Variants in PDE8A observed in about 807,000 individuals in gnomAD.
The protein encoded by PDE8A is high affinity cAMP-specific and IBMX-insensitive 3',5'-cyclic phosphodiesterase 8A.
In PDE8A, 59 loss-of-function variants were observed where a neutral mutation model predicts 105.0. The ratio of observed to expected loss-of-function variants is 0.56; its 90% CI spans 0.46 to 0.70. The LOEUF is 0.70. PDE8A is among the 30% of genes least tolerant of loss of function. The probability of loss-of-function intolerance (pLI) is 0.00; values close to 1 mark genes in which losing one functional copy is unlikely to be tolerated. For missense variants in PDE8A, 1,014 were observed against 1,045.9 expected, an observed-to-expected ratio of 0.97 and a Z score of 0.42; for synonymous variants, 355 against 371.9, an observed-to-expected ratio of 0.95 and a Z score of 0.52.
At chr15:85,067,701 A>G (rs1239295716) in intron 3 of PDE8A, among the ~76,000 whole-genome samples, 1 of 152,214 alleles carries the variant, frequency 6.6e-6, no homozygotes, top group Non-Finnish European at 1.5e-5. Context: ...ATTTTATGAC[A>G]TATTAATTTT....
In PDE8A at chr15:84,982,131, CCCGCCAGCGTGTCCGCGGCGCCG is replaced by C. The variant is rs781185196; in HGVS notation, c.-23_-1del. On this transcript the variant is annotated 5_prime_UTR_variant, in exon 1 of 22. Transcript: ENST00000394553. ...CCGTTTGCTGACCGGATCGCGGCTA[CCCGCCAGCGTGTCCGCGGCGCCG>C]CCGCCAGCATGGGCTGTGCCCCGAG... 1,202 of 1,280,456 alleles carry C rather than the reference CCCGCCAGCGTGTCCGCGGCGCCG, an allele frequency of 9.4e-4. 2 individuals are homozygous for C. Among genetic ancestry groups the C allele is most frequent in the East Asian group, 5.2e-3 (162 of 30,994 alleles). The allele number at this position is 1,280,456 out of a possible 1,614,324, so 79.3% of individuals were successfully genotyped here.
chr15:85,087,590 T>A (rs2081575406), intron 6 of PDE8A, among the ~76,000 whole-genome samples: 1 of 152,176 alleles, frequency 6.6e-6, no homozygotes, highest in African/African-American at 2.4e-5. Flanking sequence ...GGCCAGAGAA[T>A]CTTAAAATCA....
intron 1 of PDE8A, among the ~76,000 whole-genome samples, chr15:84,983,598 T>G (rs1272632019): frequency 6.6e-6 from 1 of 152,228 alleles, no homozygotes; most frequent in Non-Finnish European, 1.5e-5. Context: ...TATAGATTCT[T>G]TAAAGAAACC....
chr15:85,076,804 TTG>T lies in PDE8A; in HGVS notation c.546+19_546+20del, dbSNP rs2081386802. The T allele has an allele frequency of 7.0e-7, 1 of 1,420,618 alleles. No individual in the cohort carries two copies. The highest frequency in any genetic ancestry group is 1.4e-5 in the African/African-American group (1 of 71,230). 88.0% of individuals were successfully genotyped at this position (1,420,618 alleles called of 1,614,324 possible). On this transcript the variant is annotated intron_variant, in intron 5 of 21. Transcript: ENST00000394553. ...TTTACAAGGGTATGTACTCACTTAT[TTG>T]TTATACAAGTATAATTCAATTTGAG...
At chr15:85,040,358 A>T (rs1251271303) in intron 1 of PDE8A, among the ~76,000 whole-genome samples, 16 of 147,250 alleles carry the variant, frequency 1.1e-4, no homozygotes, top group Admixed American at 2.7e-4. Context: ...TGCCCAGCCA[A>T]GACCTCTTCT....
chr15:85,038,710 C>T (rs2080750459), intron 1 of PDE8A, among the ~76,000 whole-genome samples: 1 of 152,162 alleles, frequency 6.6e-6, no homozygotes, highest in Non-Finnish European at 1.5e-5. Flanking sequence ...AGAAGATATA[C>T]AGATGGCTAA....
At chr15:85,043,509 T>C (rs2080841929) in intron 1 of PDE8A, among the ~76,000 whole-genome samples, 1 of 152,198 alleles carries the variant, frequency 6.6e-6, no homozygotes, top group African/African-American at 2.4e-5. Flanking sequence ...CTCCTATAGT[T>C]GACTATTCTC....
chr15:85,022,713 T>C (rs2080449170), intron 1 of PDE8A, among the ~76,000 whole-genome samples: 1 of 146,398 alleles, frequency 6.8e-6, no homozygotes, highest in African/African-American at 2.4e-5. Flanking sequence ...CACACCTGGC[T>C]ATTTTTTTTT....
At chr15:85,003,436 C>T (rs551224573) in intron 1 of PDE8A, among the ~76,000 whole-genome samples, 9 of 152,126 alleles carry the variant, frequency 5.9e-5, no homozygotes, top group Admixed American at 2.6e-4. Context: ...AGCCAGTGGA[C>T]GACCTCTGCG....
At chr15:85,087,146 C>G (rs1208488815) in intron 6 of PDE8A, among the ~76,000 whole-genome samples, 1 of 150,580 alleles carries the variant, frequency 6.6e-6, no homozygotes, top group Non-Finnish European at 1.5e-5. Context: ...ATTGGCTAAG[C>G]TATTGTCTTT....
chr15:85,030,181 A>T (rs761609512), intron 1 of PDE8A, among the ~76,000 whole-genome samples: 9 of 151,988 alleles, frequency 5.9e-5, no homozygotes, highest in Non-Finnish European at 1.0e-4. Flanking sequence ...CAACCATTTT[A>T]TTTCTCTTTC....
chr15:85,129,724 T>C (rs1404694284), intron 20 of PDE8A, among the ~76,000 whole-genome samples: 1 of 152,178 alleles, frequency 6.6e-6, no homozygotes, highest in Non-Finnish European at 1.5e-5. Flanking sequence ...TCCTTCCTTT[T>C]GCTAGCGTTA....
chr15:85,126,790 A>G (rs1420400815), intron 20 of PDE8A, among the ~76,000 whole-genome samples: 1 of 152,150 alleles, frequency 6.6e-6, no homozygotes, highest in Non-Finnish European at 1.5e-5. Flanking sequence ...ACCTTAGCCC[A>G]TGTCAGATGT....
intron 6 of PDE8A, among the ~76,000 whole-genome samples, chr15:85,087,974 A>G (rs1173961969): frequency 6.6e-6 from 1 of 152,176 alleles, no homozygotes; most frequent in Non-Finnish European, 1.5e-5. Flanking sequence ...AAACAGCCTT[A>G]TTAAGGTATA....
chr15:85,135,861 C>G (rs905373575), intron 20 of PDE8A, among the ~76,000 whole-genome samples: 1 of 147,432 alleles, frequency 6.8e-6, no homozygotes, highest in Non-Finnish European at 1.5e-5. Context: ...ACTCAGAGCT[C>G]TTTTTTTTTT....
At chr15:84,992,538 A>G (rs1273571667) in intron 1 of PDE8A, among the ~76,000 whole-genome samples, 1 of 152,124 alleles carries the variant, frequency 6.6e-6, no homozygotes, top group African/African-American at 2.4e-5. Context: ...ATGTTTCATG[A>G]AGATTAGGTT....
chr15:85,091,901 C>CTTTTTTTTTTTTTTTTTTTT (rs563631633), intron 8 of PDE8A, among the ~76,000 whole-genome samples: 6 of 88,390 alleles, frequency 6.8e-5, no homozygotes, highest in Admixed American at 1.4e-4. Flanking sequence ...TTCTGCTGGA[C>CTTTTTTTTTTTTTTTTTTTT]TTTTTTTTTT....
chr15:84,986,353 C>G (rs2079802436), intron 1 of PDE8A, among the ~76,000 whole-genome samples: 1 of 152,194 alleles, frequency 6.6e-6, no homozygotes, highest in Non-Finnish European at 1.5e-5. Flanking sequence ...CTCAGACATT[C>G]TCTAGTTGGT....
At chr15:85,036,794 C>A (rs1229834306) in intron 1 of PDE8A, among the ~76,000 whole-genome samples, 1 of 152,078 alleles carries the variant, frequency 6.6e-6, no homozygotes, top group Non-Finnish European at 1.5e-5. Context: ...CACAAAAATG[C>A]TTTTTTAGAG....
Sources: gnomAD v4.1 joint callset for allele counts (sites outside exome capture counted in the v4.1 genomes callset) on GRCh38, gnomAD v4.1.1 for gene constraint, MANE v1.5 for transcripts, NCBI Gene and HGNC (gene_info 2026-07-23, HGNC 2026-07-21) for gene names.